The following KIAA0825 variants were observed in gnomAD, a reference collection of about 807,000 sequenced individuals.
The protein encoded by KIAA0825 is KIAA0825.
KIAA0825 carries 119 observed loss-of-function variants against 147.6 expected under a neutral mutation model. That is an observed-to-expected ratio of 0.81 (90% confidence interval 0.69 to 0.94). The LOEUF is 0.94. Ranked by LOEUF, KIAA0825 falls within the 40% of genes least tolerant of loss-of-function variation. The pLI, the probability that KIAA0825 is intolerant of heterozygous loss-of-function variation, is 0.00. For missense variants in KIAA0825, 1,381 were observed against 1,472.7 expected, an observed-to-expected ratio of 0.94 and a Z score of 1.02; for synonymous variants, 470 against 518.1, an observed-to-expected ratio of 0.91 and a Z score of 1.26.
intron 20 of KIAA0825, among the ~76,000 whole-genome samples, chr5:94,234,148 C>T (rs1014807874): frequency 3.3e-5 from 5 of 151,930 alleles, no homozygotes; most frequent in South Asian, 2.1e-4. Flanking sequence ...GGGTGGATCA[C>T]GAGGTCAGGA....
chr5:94,391,819 T>G (rs994727743), intron 17 of KIAA0825, 125 bp from the exon 18 acceptor site: 2 of 816,168 alleles, frequency 2.5e-6, no homozygotes, highest in African/African-American at 3.5e-5. Context: ...AAGACTACGC[T>G]GAAATAGGTA....
At chr5:94,297,491 T>G (rs762702776) in intron 20 of KIAA0825, among the ~76,000 whole-genome samples, 6 of 152,358 alleles carry the variant, frequency 3.9e-5, no homozygotes, top group Middle Eastern at 6.8e-3. Flanking sequence ...CTGAGATATT[T>G]AATCATTTAC....
chr5:94,352,825 A>G (rs920683197), intron 20 of KIAA0825, among the ~76,000 whole-genome samples: 2 of 152,224 alleles, frequency 1.3e-5, no homozygotes, highest in African/African-American at 4.8e-5. Flanking sequence ...TAACTCAGGA[A>G]TAGAAAACCA....
intron 20 of KIAA0825, among the ~76,000 whole-genome samples, chr5:94,301,523 C>G (rs955301919): frequency 6.6e-6 from 1 of 151,992 alleles, no homozygotes; most frequent in South Asian, 2.1e-4. Context: ...GGCTTGTGCC[C>G]TTGAGGAGAT....
intron 20 of KIAA0825, among the ~76,000 whole-genome samples, chr5:94,349,654 G>A (rs533812918): frequency 1.2e-3 from 182 of 152,182 alleles, no homozygotes; most frequent in African/African-American, 4.2e-3. Flanking sequence ...GCAAATACAC[G>A]GAAATTAAAT....
At chr5:94,425,427 A>G (rs1754730728) in intron 14 of KIAA0825, among the ~76,000 whole-genome samples, 1 of 152,182 alleles carries the variant, frequency 6.6e-6, no homozygotes, top group South Asian at 2.1e-4. Context: ...TAGAAAATAC[A>G]GTATCCCTTT....
chr5:94,296,345 G>A (rs1367658001), intron 20 of KIAA0825, among the ~76,000 whole-genome samples: 1 of 152,112 alleles, frequency 6.6e-6, no homozygotes, highest in Admixed American at 6.5e-5. Flanking sequence ...GCTGGGCTCC[G>A]TGGGGGTGGG....
At chr5:94,546,848 T>C (rs1774499952) in intron 2 of KIAA0825, among the ~76,000 whole-genome samples, 1 of 127,142 alleles carries the variant, frequency 7.9e-6, no homozygotes, top group African/African-American at 3.0e-5. Flanking sequence ...CAGGAAAACA[T>C]GACCTCACCC....
intron 20 of KIAA0825, among the ~76,000 whole-genome samples, chr5:94,184,160 C>T (rs1391195727): frequency 6.6e-6 from 1 of 152,096 alleles, no homozygotes; most frequent in East Asian, 1.9e-4. Context: ...AGAACCCAAA[C>T]ATTTAGTATT....
intron 20 of KIAA0825, among the ~76,000 whole-genome samples, chr5:94,194,778 AC>A (rs1373339166): frequency 6.6e-6 from 1 of 152,212 alleles, no homozygotes; most frequent in African/African-American, 2.4e-5. Flanking sequence ...TTCTCTGATT[AC>A]TTTGGCTCTC....
chr5:94,417,125 C>T, intron 15 of KIAA0825, 76 bp downstream of exon 15: 2 of 1,375,030 alleles, frequency 1.5e-6, no homozygotes, highest in Non-Finnish European at 2.0e-6. Context: ...AGTATCAATA[C>T]AACTTCTAAA....
intron 20 of KIAA0825, among the ~76,000 whole-genome samples, chr5:94,321,689 T>G (rs1465712364): frequency 6.6e-6 from 1 of 152,008 alleles, no homozygotes; most frequent in Non-Finnish European, 1.5e-5. Context: ...CCTCATACTG[T>G]ACATTGAGGG....
At chr5:94,192,994 T>G (rs145211774) in intron 20 of KIAA0825, among the ~76,000 whole-genome samples, 2 of 152,324 alleles carry the variant, frequency 1.3e-5, no homozygotes, top group African/African-American at 4.8e-5. Flanking sequence ...TTTTGTTACA[T>G]GAATGCTAGC....
intron 2 of KIAA0825, among the ~76,000 whole-genome samples, chr5:94,542,819 GA>G (rs968685508): frequency 4.4e-4 from 66 of 150,120 alleles, no homozygotes; most frequent in Non-Finnish European, 8.8e-4. Context: ...AAAAAAGAAA[GA>G]AAAAAAAAGA....
intron 5 of KIAA0825, 134 bp downstream of exon 5, chr5:94,520,114 T>A (rs1332879715): frequency 3.2e-6 from 4 of 1,233,750 alleles, no homozygotes; most frequent in Non-Finnish European, 3.1e-6. Context: ...AAATGTATAC[T>A]GCAAAATTTC....
At chr5:94,509,961 A>G (rs1766256407) in intron 5 of KIAA0825, among the ~76,000 whole-genome samples, 1 of 152,202 alleles carries the variant, frequency 6.6e-6, no homozygotes, top group East Asian at 1.9e-4. Flanking sequence ...AAGAATGTTA[A>G]CAATGATTAT....
At chr5:94,512,337 T>C (rs1434928306) in intron 5 of KIAA0825, among the ~76,000 whole-genome samples, 1 of 152,106 alleles carries the variant, frequency 6.6e-6, no homozygotes, top group Non-Finnish European at 1.5e-5. Context: ...TGTTAAATAA[T>C]ATTCAACGTT....
chr5:94,451,954 C>T (rs1186014869), intron 13 of KIAA0825, among the ~76,000 whole-genome samples: 1 of 151,370 alleles, frequency 6.6e-6, no homozygotes, highest in African/African-American at 2.4e-5. Flanking sequence ...CTATTTAATT[C>T]GTAATGAAAT....
At chr5:94,428,908 C>G (rs916139045) in intron 14 of KIAA0825, among the ~76,000 whole-genome samples, 4 of 151,886 alleles carry the variant, frequency 2.6e-5, no homozygotes, top group Middle Eastern at 3.2e-3. Flanking sequence ...ATTATTTTTT[C>G]TTTATTTTTG....
Sources: allele counts gnomAD v4.1 joint callset (sites outside exome capture counted in the v4.1 genomes callset), GRCh38; gene constraint gnomAD v4.1.1; transcripts MANE v1.5; gene names NCBI Gene and HGNC (gene_info 2026-07-23, HGNC 2026-07-21).